The following BEST1 variants were observed in gnomAD, a reference collection of about 807,000 sequenced individuals.
BEST1 encodes the protein bestrophin 1, also known as bestrophin-1.
Under a neutral mutation model 63.3 loss-of-function variants are expected in BEST1, and 58 were observed. That is an observed-to-expected ratio of 0.92 (90% CI 0.74 to 1.14). The LOEUF (loss-of-function observed/expected upper bound fraction) is 1.14, where lower values mean the gene tolerates loss of function less well. Among genes scored for constraint, BEST1 ranks in the 50% most tolerant of loss-of-function variants. The pLI is 0.00. For missense variants in BEST1, 671 were observed against 740.1 expected (o/e 0.91, Z 1.08); for synonymous variants, 283 against 291.6 (o/e 0.97, Z 0.30).
intron 10 of BEST1, 26 bp from the exon 11 acceptor site, chr11:61,964,078 G>A (rs202009890): frequency 6.2e-7 from 1 of 1,613,248 alleles, no homozygotes; most frequent in African/African-American, 1.3e-5. Flanking sequence ...CCATACTTAT[G>A]CTGTTAATAC....
At chr11:61,963,777 G>A (rs772331758) in intron 10 of BEST1, 16 of 1,216,432 alleles carry the variant, frequency 1.3e-5, no homozygotes, top group Non-Finnish European at 1.7e-5. Context: ...GTGGAGGCAA[G>A]TGGATCACAG....
intron 3 of BEST1, 162 bp downstream of exon 3, chr11:61,955,363 C>A (rs1941192051): frequency 1.5e-5 from 23 of 1,489,708 alleles, no homozygotes; most frequent in Non-Finnish European, 2.0e-5. Context: ...GGACTGCAGC[C>A]AGTGAAACTG....
At position 61,964,259 on chromosome 11, in the gene BEST1, C is replaced by T; in HGVS notation, c.*137C>T. 6.6e-7 allele frequency: 1 copy of T among 1,504,570 alleles called. No homozygotes were observed. The highest frequency in any genetic ancestry group is 8.9e-7 in the Non-Finnish European group (1 of 1,118,470). 93.2% of individuals were successfully genotyped at this position (1,504,570 alleles called of 1,614,324 possible). A position where few individuals can be genotyped will look rare whatever the true frequency, so the allele number is the denominator to read the frequency against. Reference sequence around the variant, plus strand: ...ACAACAGCCTGAATCAAATGGTTAGCTTAATAGATAAAAATCCCAGACTAC... The same window carrying T: ...ACAACAGCCTGAATCAAATGGTTAGTTTAATAGATAAAAATCCCAGACTAC... On this transcript the variant is annotated 3_prime_UTR_variant, in exon 11 of 11. Transcript: ENST00000378043.
At position 61,963,147 on chromosome 11, in the gene BEST1, T is replaced by C. The variant is rs150166752; in HGVS notation, c.1739+254T>C. The C allele has an allele frequency of 1.4e-4, 206 of 1,455,170 alleles. No homozygotes were observed. In the African/African-American group the frequency reaches 2.5e-3, roughly 18 times the overall value. The allele number at this position is 1,455,170 out of a possible 1,614,324, so 90.1% of individuals were successfully genotyped here. On this transcript the variant is annotated intron_variant, in intron 10 of 10. Coordinates refer to ENST00000378043, the MANE Select transcript of BEST1 (RefSeq NM_004183.4). ...CTTCTTGGGACCAGGTGAAGGAAGATGAGGTTGTGCTGACCAGAATGCTGC... is the reference window on the plus strand; with the variant it reads ...CTTCTTGGGACCAGGTGAAGGAAGACGAGGTTGTGCTGACCAGAATGCTGC...
rs1942384944 is a variant in BEST1 at position 61,964,418 on chromosome 11, T to TATA, written c.*297_*299dup. Reference sequence around the variant, plus strand: ...TGAATCCAAGACAGCCACACCTTAGTATACTGCCCAAACTAATGAGTTTAA... The same window carrying TATA: ...TGAATCCAAGACAGCCACACCTTAGTATAATACTGCCCAAACTAATGAGTTTAA... On this transcript the variant is annotated 3_prime_UTR_variant, in exon 11 of 11. Coordinates refer to ENST00000378043, the MANE Select transcript of BEST1 (RefSeq NM_004183.4). The TATA allele has an allele frequency of 1.6e-6, 1 of 622,746 alleles. No homozygotes were observed. Among genetic ancestry groups the TATA allele is most frequent in the South Asian group, 2.0e-5 (1 of 49,938 alleles). The allele number at this position is 622,746 out of a possible 1,614,324, so 38.6% of individuals were successfully genotyped here.
At chr11:61,963,453 C>G (rs1818792197) in intron 10 of BEST1, 1 of 1,128,888 alleles carries the variant, frequency 8.9e-7, no homozygotes. Context: ...CACCAAAATA[C>G]TTCTTGCTTC....
chr11:61,952,832 T>C (rs1328632029), intron 2 of BEST1, among the ~76,000 whole-genome samples: 1 of 152,094 alleles, frequency 6.6e-6, no homozygotes, highest in Admixed American at 6.6e-5. Context: ...CTAAGGCCAG[T>C]AGCAGTGACT....
At chr11:61,955,310 G>A (rs1159841930) in intron 3 of BEST1, 109 bp downstream of exon 3, 2 of 1,555,114 alleles carry the variant, frequency 1.3e-6, no homozygotes, top group East Asian at 2.4e-5. Context: ...GGGGGCGGGG[G>A]AACGCCAGCG....
chr11:61,955,325 G>A (rs1941185224), intron 3 of BEST1, 124 bp downstream of exon 3: 1 of 1,553,118 alleles, frequency 6.4e-7, no homozygotes, highest in African/African-American at 1.4e-5. Flanking sequence ...CCAGCGGCAG[G>A]TCGGCGCCTC....
At chr11:61,958,043 A>G (rs911251863) in intron 6 of BEST1, 103 bp from the exon 7 acceptor site, 1 of 1,588,798 alleles carries the variant, frequency 6.3e-7, no homozygotes, top group Non-Finnish European at 8.6e-7. Flanking sequence ...TGCAAGTCAG[A>G]ACAAGGCCTT....
downstream of BEST1, chr11:61,964,834 A>G (rs1427136243): frequency 1.9e-6 from 3 of 1,601,254 alleles, no homozygotes; most frequent in African/African-American, 4.0e-5. Context: ...TGGTCACCCA[A>G]TTCTTTGATG....
chr11:61,953,705 G>A (rs1047626084), intron 2 of BEST1, among the ~76,000 whole-genome samples: 20 of 152,090 alleles, frequency 1.3e-4, no homozygotes, highest in South Asian at 1.0e-3. Context: ...GTGAGACTCC[G>A]TCTAAAAATA....
In BEST1 at chr11:61,951,899, G is replaced by A. The variant is rs1011302811; in HGVS notation, c.93G>A (p.Leu31=). 6.2e-7 allele frequency: 1 copy of A among 1,613,568 alleles called. No individual in the cohort carries two copies. Among genetic ancestry groups the A allele is most frequent in the Admixed American group, 1.7e-5 (1 of 60,020 alleles). ...LLCWRGSIYK[L]LYGEFLIFLL... is the part of the protein sequence containing the mutation. ...GCTGGCGGGGCAGCATCTACAAGCT[G>A]CTATATGGCGAGTTCTTAATCTTCC... Residue 31 remains leucine, a synonymous_variant, in exon 2 of 11, where the codon CTG becomes CTA. Transcript: ENST00000378043.
intron 2 of BEST1, chr11:61,954,814 G>A (rs541584559): frequency 1.0e-6 from 1 of 985,440 alleles, no homozygotes; most frequent in East Asian, 1.1e-4. Context: ...GGATCAGGGT[G>A]TCTGAAACTG....
At chr11:61,963,240 C>CT (rs1307146351) in intron 10 of BEST1, 24 of 1,386,968 alleles carry the variant, frequency 1.7e-5, no homozygotes, top group Non-Finnish European at 2.1e-5. Context: ...CCCCAACTTA[C>CT]TTTGAGCAAG....
intron 7 of BEST1, chr11:61,958,759 A>C (rs1213212529): frequency 4.5e-5 from 15 of 332,246 alleles, no homozygotes; most frequent in East Asian, 3.3e-4. Context: ...TTTTCTCTCC[A>C]CCTCTTTATC....
At position 61,955,971 on chromosome 11, in the gene BEST1, C is replaced by T. The variant is rs530569772; in HGVS notation, c.481+20C>T. On this transcript the variant is annotated intron_variant, in intron 4 of 10. Coordinates refer to ENST00000378043, the MANE Select transcript of BEST1 (RefSeq NM_004183.4). Reference sequence around the variant, plus strand: ...AAGCAGGTGGGCGGACCGGGAGCAACGGGGAGGCACCGGGCAGAGCCAGGG... The same window carrying T: ...AAGCAGGTGGGCGGACCGGGAGCAATGGGGAGGCACCGGGCAGAGCCAGGG... 46 of 1,541,208 alleles carry T rather than the reference C, an allele frequency of 3.0e-5. No individual in the cohort carries two copies. Among genetic ancestry groups the T allele is most frequent in the Non-Finnish European group, 1.8e-6 (2 of 1,141,604 alleles).
Position 61,955,171 on chromosome 11 carries a change from A to G in BEST1, c.217A>G (p.Ile73Val). 1 of 1,614,186 alleles carries G rather than the reference A, an allele frequency of 6.2e-7. No homozygotes were observed. Among genetic ancestry groups the G allele is most frequent in the Non-Finnish European group, 8.5e-7 (1 of 1,180,022 alleles). The change falls in exon 3 of 11, where the codon ATC becomes GTC. Residue 73 changes from isoleucine (I) to valine (V), a missense_variant. Physicochemically the swap from Ile to Val is conservative, Grantham distance 29. Transcript: ENST00000378043. ...EKLTLYCDSY[I>V]QLIPISFVLG... ...ACTGACTCTGTATTGCGACAGCTAC[A>G]TCCAGCTCATCCCCATTTCCTTCGT... is the stretch of plus-strand genomic sequence containing the variant.
At chr11:61,963,475 C>T in intron 10 of BEST1, 1 of 1,097,416 alleles carries the variant, frequency 9.1e-7, no homozygotes, top group Non-Finnish European at 1.1e-6. Context: ...TTGGGGTCAG[C>T]CCAAAGCTGT....
Sources: gnomAD v4.1 joint callset for allele counts (sites outside exome capture counted in the v4.1 genomes callset) on GRCh38, gnomAD v4.1.1 for gene constraint, MANE v1.5 for transcripts, NCBI Gene and HGNC (gene_info 2026-07-23, HGNC 2026-07-21) for gene names.